Variants in ABL1 observed in about 807,000 individuals in gnomAD.
The protein encoded by ABL1 is tyrosine-protein kinase ABL1.
Under a neutral mutation model 94.7 loss-of-function variants are expected in ABL1, and 11 were observed. The ratio of observed to expected loss-of-function variants is 0.12; its 90% CI spans 0.07 to 0.19. ABL1 has a LOEUF of 0.19. Ranked by LOEUF, ABL1 falls within the 10% of genes least tolerant of loss-of-function variation. ABL1 has a pLI of 1.00. For missense variants in ABL1, 1,082 were observed against 1,489.4 expected (o/e 0.73, Z 4.50); for synonymous variants, 656 against 622.4 (o/e 1.05, Z -0.80).
intron 1 of ABL1, among the ~76,000 whole-genome samples, chr9:130,793,218 G>A (rs149665329): frequency 4.1e-4 from 62 of 152,278 alleles, no homozygotes; most frequent in Non-Finnish European, 6.6e-4. Context: ...GAGCCACCGC[G>A]CCTGGCCAAG....
intron 1 of ABL1, among the ~76,000 whole-genome samples, chr9:130,755,934 C>T (rs1016763497): frequency 6.6e-6 from 1 of 152,096 alleles, no homozygotes; most frequent in Non-Finnish European, 1.5e-5. Flanking sequence ...TGTGCAGCAG[C>T]AGCACTCTGT....
intron 4 of ABL1, among the ~76,000 whole-genome samples, 159 bp from the exon 5 acceptor site, chr9:130,871,970 T>G (rs1831257806): frequency 6.6e-6 from 1 of 152,264 alleles, no homozygotes; most frequent in Non-Finnish European, 1.5e-5. Flanking sequence ...AAGTTGCTGG[T>G]CAGCTGTCAT....
At chr9:130,744,141 GT>G in intron 1 of ABL1, among the ~76,000 whole-genome samples, 1 of 149,908 alleles carries the variant, frequency 6.7e-6, no homozygotes, top group African/African-American at 2.5e-5. Flanking sequence ...AACCCTTCTT[GT>G]TTTTTTCTTT....
rs75593909 is a variant in ABL1, at chr9:130,775,653, A to G, written c.136+61198A>G. 8.8e-3 allele frequency among the ~76,000 whole-genome samples: 1,332 copies of G among 152,220 alleles called. 18 individuals are homozygous for G. Among genetic ancestry groups the G allele is most frequent in the African/African-American group, 0.03 (1,265 of 41,536 alleles). On this transcript the variant is annotated intron_variant, in intron 1 of 10. Transcript: ENST00000372348. ...AGTCAATAGAGATAACAGATGAGAG[A>G]CAATATTTGAGGAGATATTGCTAAA...
At chr9:130,779,367 A>G (rs902292495) in intron 1 of ABL1, among the ~76,000 whole-genome samples, 2 of 152,232 alleles carry the variant, frequency 1.3e-5, no homozygotes, top group African/African-American at 4.8e-5. Flanking sequence ...TCATGATGGC[A>G]AGGTTGTTTA....
At chr9:130,854,033 T>C (rs1273799976) in intron 1 of ABL1, 31 bp from the exon 2 acceptor site, 1 of 1,557,040 alleles carries the variant, frequency 6.4e-7, no homozygotes, top group African/African-American at 1.4e-5. Flanking sequence ...TCTTCCTTTT[T>C]CTTTTTTCTG....
At chr9:130,781,626 G>T (rs1262468569) in intron 1 of ABL1, among the ~76,000 whole-genome samples, 2 of 152,020 alleles carry the variant, frequency 1.3e-5, no homozygotes, top group South Asian at 4.1e-4. Context: ...ACACCAAGGG[G>T]ATTATCCAAA....
At chr9:130,754,071 G>T (rs1049566695) in intron 1 of ABL1, among the ~76,000 whole-genome samples, 1 of 151,380 alleles carries the variant, frequency 6.6e-6, no homozygotes, top group African/African-American at 2.4e-5. Context: ...GCTGGGGGTA[G>T]TGGCGTTGCC....
intron 1 of ABL1, among the ~76,000 whole-genome samples, chr9:130,759,296 T>A (rs1208524951): frequency 6.6e-6 from 1 of 152,152 alleles, no homozygotes; most frequent in East Asian, 1.9e-4. Flanking sequence ...GTTGTCAACT[T>A]CTGATGGCCG....
In ABL1 at chr9:130,862,622, C is replaced by G. The variant is rs1349512895; in HGVS notation, c.550-141C>G. ...AGAGAAAGACAGCAGAAGTGATCTT[C>G]TAAACACTCTGTCCTGTGTGGAGAG... On this transcript the variant is annotated intron_variant, in intron 3 of 10. Transcript: ENST00000318560. This position sits in a 1 kb window ranked among gnomAD's most constrained non-coding sequence, Gnocchi z 5.5. 3.2e-6 allele frequency: 3 copies of G among 926,588 alleles called. No homozygotes were observed. The highest frequency in any genetic ancestry group is 4.8e-6 in the Non-Finnish European group (3 of 631,364). 57.4% of individuals were successfully genotyped at this position (926,588 alleles called of 1,614,324 possible).
rs377587387 is a variant in ABL1, at chr9:130,782,777, GTTGTGGAA to G, written c.136+68325_136+68332del. 1.5e-3 allele frequency among the ~76,000 whole-genome samples: 235 copies of G among 152,354 alleles called. 1 individual carries two copies. Among genetic ancestry groups the G allele is most frequent in the African/African-American group, 5.5e-3 (230 of 41,588 alleles). On this transcript the variant is annotated intron_variant, in intron 1 of 10. Transcript: ENST00000372348. ...TGCAGCTGGATTGGCTTCGTGGGAA[GTTGTGGAA>G]TTCTGTTCCCTGAGGATGTTGGGAA...
rs147870156 is a variant in ABL1, at chr9:130,719,317, T to G, written c.136+4862T>G. On this transcript the variant is annotated intron_variant, in intron 1 of 10. Coordinates refer to the ABL1 transcript ENST00000372348. ...GTTGACACATGTGGATCACCTGAGG[T>G]CAGGAGTTTGAGACCAGCTTGACCA... Among the ~76,000 whole-genome samples the G allele has an allele frequency of 2.1e-3, 322 of 152,154 alleles. 5 individuals are homozygous for G. Among genetic ancestry groups the G allele is most frequent in the East Asian group, 0.018 (92 of 5,174 alleles).
chr9:130,719,544 TAAATA>T lies in ABL1; in HGVS notation c.136+5093_136+5097del, dbSNP rs1283519777. Among the ~76,000 whole-genome samples, 13 of 152,134 alleles carry T rather than the reference TAAATA, an allele frequency of 8.5e-5. No homozygotes were observed. In the South Asian group the frequency reaches 1.7e-3, roughly 19 times the overall value. On this transcript the variant is annotated intron_variant, in intron 1 of 10. Coordinates refer to the ABL1 transcript ENST00000372348. ...GAGACTCCATCTCAAAATAAATAAA[TAAATA>T]AAAATAAAAACTGAATTGATGACAG...
chr9:130,840,848 T>C (rs994794390), intron 1 of ABL1, among the ~76,000 whole-genome samples: 1 of 152,124 alleles, frequency 6.6e-6, no homozygotes, highest in African/African-American at 2.4e-5. Flanking sequence ...GACAGCATAA[T>C]GAACTCCCAT....
chr9:130,868,964 A>G (rs1831205056), intron 4 of ABL1, among the ~76,000 whole-genome samples: 1 of 152,054 alleles, frequency 6.6e-6, no homozygotes. Flanking sequence ...TCAGGAGATC[A>G]AGACCATCCT....
At chr9:130,873,798 CACT>C (rs1252709271) in intron 6 of ABL1, among the ~76,000 whole-genome samples, 2 of 152,154 alleles carry the variant, frequency 1.3e-5, no homozygotes, top group African/African-American at 4.8e-5. Flanking sequence ...TCCACACCAC[CACT>C]GTGACCTTTC....
rs1831599922 is a variant in ABL1, at chr9:130,887,155, G to A, written c.*1472G>A. 4.3e-6 allele frequency: 1 copy of A among 233,166 alleles called. No homozygotes were observed. Among genetic ancestry groups the A allele is most frequent in the Non-Finnish European group, 8.5e-6 (1 of 118,042 alleles). 14.4% of individuals were successfully genotyped at this position (233,166 alleles called of 1,614,324 possible). ...CCCCTGAGGCTTCACGCCGGGAGAAGCCACCTTCCCACCCCTTCATACCGC... is the reference window on the plus strand; with the variant it reads ...CCCCTGAGGCTTCACGCCGGGAGAAACCACCTTCCCACCCCTTCATACCGC... On this transcript the variant is annotated 3_prime_UTR_variant, in exon 11 of 11. Coordinates refer to ENST00000318560, the MANE Select transcript of ABL1 (RefSeq NM_005157.6).
chr9:130,815,564 C>T (rs1364151792), intron 1 of ABL1, among the ~76,000 whole-genome samples: 2 of 152,150 alleles, frequency 1.3e-5, no homozygotes, highest in African/African-American at 4.8e-5. Context: ...CCCCTGTCAT[C>T]TCTCACTTGG....
chr9:130,832,783 G>GTA (rs1830507783), upstream of ABL1, among the ~76,000 whole-genome samples: 2 of 152,162 alleles, frequency 1.3e-5, no homozygotes, highest in Non-Finnish European at 2.9e-5. Flanking sequence ...AATCCTTCTT[G>GTA]GGGTGTTCTT....
Sources: gnomAD v4.1 joint callset for allele counts (sites outside exome capture counted in the v4.1 genomes callset) on GRCh38, gnomAD v4.1.1 for gene constraint, Gnocchi (gnomAD v3.1) non-coding constraint, MANE v1.5 for transcripts, NCBI Gene and HGNC (gene_info 2026-07-23, HGNC 2026-07-21) for gene names.